The following TRHDE variants were observed in gnomAD, a reference collection of about 807,000 sequenced individuals.
The protein encoded by TRHDE is thyrotropin releasing hormone degrading enzyme.
A neutral mutation model predicts 125.7 loss-of-function variants in TRHDE; 72 were observed. The observed-to-expected ratio is 0.57, with a 90% CI of 0.47 to 0.70. TRHDE has a LOEUF of 0.70. Ranked by LOEUF, TRHDE falls within the 30% of genes least tolerant of loss-of-function variation. The probability of loss-of-function intolerance (pLI) is 0.00; values close to 1 mark genes in which losing one functional copy is unlikely to be tolerated. For synonymous variants in TRHDE, 509 were observed against 509.1 expected (o/e 1.00, Z 0.00); for missense variants, 1,110 against 1,327.1 (o/e 0.84, Z 2.54).
chr12:72,163,599 C>T (rs1876680899), intron 2 of TRHDE, among the ~76,000 whole-genome samples: 1 of 152,134 alleles, frequency 6.6e-6, no homozygotes, highest in African/African-American at 2.4e-5. Flanking sequence ...ATGATATGGA[C>T]ACAATTACCA....
At chr12:72,169,288 C>T (rs972165506) in intron 2 of TRHDE, among the ~76,000 whole-genome samples, 7 of 152,120 alleles carry the variant, frequency 4.6e-5, no homozygotes, top group African/African-American at 1.7e-4. Flanking sequence ...AAATCATTCT[C>T]TTAGGGGGTA....
At chr12:72,155,680 A>G (rs959611070) in intron 2 of TRHDE, among the ~76,000 whole-genome samples, 2 of 152,212 alleles carry the variant, frequency 1.3e-5, no homozygotes, top group Admixed American at 6.5e-5. Flanking sequence ...TTGCCTGGGT[A>G]TCAGCAGCAG....
At chr12:72,430,084 C>T (rs1359486978) in intron 3 of TRHDE, among the ~76,000 whole-genome samples, 1 of 151,208 alleles carries the variant, frequency 6.6e-6, no homozygotes, top group Non-Finnish European at 1.5e-5. Flanking sequence ...TTTTGCCTAA[C>T]TCAAGGTCAC....
intron 2 of TRHDE, among the ~76,000 whole-genome samples, chr12:72,368,559 A>G (rs1022614406): frequency 2.0e-5 from 3 of 152,074 alleles, no homozygotes; most frequent in African/African-American, 7.2e-5. Context: ...CAAATTTGTT[A>G]TTCTAAATTA....
At chr12:72,107,582 C>G (rs547287410) in intron 2 of TRHDE, among the ~76,000 whole-genome samples, 4 of 151,992 alleles carry the variant, frequency 2.6e-5, no homozygotes, top group Non-Finnish European at 5.9e-5. Flanking sequence ...TTGGACTGTT[C>G]TCTGTTTTCT....
chr12:72,569,362 A>T (rs544552755), intron 10 of TRHDE, among the ~76,000 whole-genome samples: 23 of 152,216 alleles, frequency 1.5e-4, no homozygotes, highest in African/African-American at 5.5e-4. Flanking sequence ...GTAACATTTC[A>T]TTTAGATTTA....
intron 2 of TRHDE, among the ~76,000 whole-genome samples, chr12:72,327,458 A>G (rs150887413): frequency 1.4e-4 from 22 of 152,258 alleles, no homozygotes; most frequent in Non-Finnish European, 2.4e-4. Context: ...TGATGTTCTA[A>G]AACTGTTTGG....
At chr12:72,467,764 G>A (rs1316705744) in intron 3 of TRHDE, among the ~76,000 whole-genome samples, 4 of 152,252 alleles carry the variant, frequency 2.6e-5, no homozygotes, top group South Asian at 4.1e-4. Context: ...GCGGTGAGCC[G>A]AGATCGCACC....
chr12:72,481,483 C>T (rs1160476829), intron 5 of TRHDE, among the ~76,000 whole-genome samples: 1 of 151,218 alleles, frequency 6.6e-6, no homozygotes, highest in Non-Finnish European at 1.5e-5. Context: ...TACCTCTCAA[C>T]ACTTTACATA....
intron 5 of TRHDE, among the ~76,000 whole-genome samples, chr12:72,489,821 T>TTTTATTAG (rs1877579678): frequency 6.6e-6 from 1 of 151,832 alleles, no homozygotes; most frequent in African/African-American, 2.4e-5. Context: ...ACTCTTGTCT[T>TTTTATTAG]ACACCATCCA....
chr12:72,095,063 C>A (rs1874880957), intron 1 of TRHDE, among the ~76,000 whole-genome samples: 1 of 152,180 alleles, frequency 6.6e-6, no homozygotes, highest in South Asian at 2.1e-4. Context: ...CAAGAACATA[C>A]CAGCTCTGAA....
chr12:72,494,406 T>C (rs1877814257), intron 5 of TRHDE, among the ~76,000 whole-genome samples: 1 of 152,084 alleles, frequency 6.6e-6, no homozygotes, highest in South Asian at 2.1e-4. Context: ...TCTTGGCTCT[T>C]ATCTTCCTTG....
intron 2 of TRHDE, among the ~76,000 whole-genome samples, chr12:72,376,024 T>C (rs1003733907): frequency 1.3e-5 from 2 of 152,142 alleles, no homozygotes; most frequent in African/African-American, 2.4e-5. Flanking sequence ...GGACTATCTC[T>C]GGGCAGTGAG....
At chr12:72,344,838 A>G (rs1408953200) in intron 2 of TRHDE, among the ~76,000 whole-genome samples, 1 of 151,622 alleles carries the variant, frequency 6.6e-6, no homozygotes, top group Admixed American at 6.6e-5. Context: ...ATGGATGAAC[A>G]CCCCTGGCTG....
intron 5 of TRHDE, among the ~76,000 whole-genome samples, chr12:72,499,131 G>T (rs181834786): frequency 6.6e-6 from 1 of 152,100 alleles, no homozygotes; most frequent in Non-Finnish European, 1.5e-5. Flanking sequence ...AAGGTGATTT[G>T]GGACTGGAAT....
chr12:72,489,627 T>G (rs1877568147), intron 5 of TRHDE, among the ~76,000 whole-genome samples: 1 of 151,864 alleles, frequency 6.6e-6, no homozygotes, highest in Admixed American at 6.6e-5. Context: ...AAGAGGGTGG[T>G]ACTGGCATTA....
intron 14 of TRHDE, 78 bp from the exon 15 acceptor site, chr12:72,621,566 T>G (rs1873052426): frequency 1.2e-5 from 13 of 1,065,264 alleles, no homozygotes; most frequent in Non-Finnish European, 1.8e-5. Flanking sequence ...TTTATGTTAA[T>G]AATTTACTTA....
In TRHDE at chr12:72,562,221, A is replaced by G; in HGVS notation, c.1845A>G (p.Thr615=). 1 of 1,543,478 alleles carries G rather than the reference A, an allele frequency of 6.5e-7. No individual in the cohort carries two copies. Reference sequence around the variant, plus strand: ...CAGCCAGAAATGATCTCTGGAATACATTATCGGAGGTAAAGTATAGGAAGC... The same window carrying G: ...CAGCCAGAAATGATCTCTGGAATACGTTATCGGAGGTAAAGTATAGGAAGC... ...GNAARNDLWN[T]LSEALKRNGK... The change falls in exon 8 of 19, where the codon ACA becomes ACG. Residue 615 remains threonine (T), a synonymous_variant. Coordinates refer to ENST00000261180, the MANE Select transcript of TRHDE (RefSeq NM_013381.3).
chr12:72,325,334 T>C (rs1006685497), intron 2 of TRHDE, among the ~76,000 whole-genome samples: 4 of 152,152 alleles, frequency 2.6e-5, no homozygotes, highest in African/African-American at 9.7e-5. Context: ...GATTTAGATT[T>C]TTATCTTCAG....
Sources: gnomAD v4.1 joint callset for allele counts (sites outside exome capture counted in the v4.1 genomes callset) on GRCh38, gnomAD v4.1.1 for gene constraint, MANE v1.5 for transcripts, NCBI Gene and HGNC (gene_info 2026-07-23, HGNC 2026-07-21) for gene names.